Variants in USH2A observed in about 807,000 individuals in gnomAD.
USH2A encodes Usher syndrome 2A (autosomal recessive, mild).
A neutral mutation model predicts 538.9 loss-of-function variants in USH2A; 443 were observed. That is an observed-to-expected ratio of 0.82 (90% CI 0.76 to 0.89). The LOEUF (loss-of-function observed/expected upper bound fraction) is 0.89, where lower values mean the gene tolerates loss of function less well. Ranked by LOEUF, USH2A falls within the 40% of genes least tolerant of loss-of-function variation. The pLI is 0.00. For synonymous variants in USH2A, 2,413 were observed against 2,273.5 expected (o/e 1.06, Z -1.75); for missense variants, 6,633 against 6,324.8 (o/e 1.05, Z -1.65).
intron 21 of USH2A, among the ~76,000 whole-genome samples, chr1:216,099,886 C>T (rs2032536429): frequency 6.6e-6 from 1 of 152,022 alleles, no homozygotes; most frequent in African/African-American, 2.4e-5. Context: ...AAATGAGAAA[C>T]TAAATCTTAG....
At chr1:216,349,581 A>T (rs1444958738) in intron 4 of USH2A, among the ~76,000 whole-genome samples, 1 of 152,112 alleles carries the variant, frequency 6.6e-6, no homozygotes, top group Admixed American at 6.6e-5. Flanking sequence ...GTCCTCACTG[A>T]TACTCTCCCA....
chr1:215,975,426 T>C (rs930670188), intron 35 of USH2A, among the ~76,000 whole-genome samples: 1 of 152,164 alleles, frequency 6.6e-6, no homozygotes. Context: ...GTTTCCTAAG[T>C]TTTCCTCTAG....
At chr1:216,304,704 G>A (rs950451340) in intron 9 of USH2A, among the ~76,000 whole-genome samples, 2 of 151,822 alleles carry the variant, frequency 1.3e-5, no homozygotes, top group Non-Finnish European at 2.9e-5. Flanking sequence ...GGTTTTGATA[G>A]GTTGTGTCAC....
intron 37 of USH2A, among the ~76,000 whole-genome samples, chr1:215,958,310 G>C (rs1469581186): frequency 1.3e-5 from 2 of 152,052 alleles, no homozygotes; most frequent in East Asian, 3.9e-4. Context: ...TGAATATACT[G>C]ACATTCTAAA....
chr1:216,143,606 T>G (rs954142925), intron 21 of USH2A, among the ~76,000 whole-genome samples: 1 of 152,184 alleles, frequency 6.6e-6, no homozygotes, highest in Non-Finnish European at 1.5e-5. Context: ...AAATTAGTTT[T>G]CAAAAGCACA....
At chr1:216,114,348 A>G (rs2032950393) in intron 21 of USH2A, among the ~76,000 whole-genome samples, 1 of 151,888 alleles carries the variant, frequency 6.6e-6, no homozygotes, top group South Asian at 2.1e-4. Flanking sequence ...TTTTTCTGTC[A>G]TTACACATGG....
intron 14 of USH2A, among the ~76,000 whole-genome samples, chr1:216,227,473 G>A (rs902739406): frequency 3.3e-5 from 5 of 152,104 alleles, no homozygotes; most frequent in Admixed American, 6.6e-5. Context: ...AGGCAGTTAT[G>A]ATATTACCTA....
At chr1:216,264,813 GA>G (rs1056207588) in intron 11 of USH2A, among the ~76,000 whole-genome samples, 1 of 152,044 alleles carries the variant, frequency 6.6e-6, no homozygotes, top group Middle Eastern at 3.2e-3. Flanking sequence ...CAAAGAGTGG[GA>G]AAAGGACATC....
intron 10 of USH2A, among the ~76,000 whole-genome samples, chr1:216,290,419 A>C (rs1342919146): frequency 2.6e-5 from 4 of 152,176 alleles, no homozygotes; most frequent in Non-Finnish European, 4.4e-5. Context: ...TTATGAATTA[A>C]TGAATATTTA....
At chr1:215,917,361 T>C (rs1665981857) in intron 38 of USH2A, among the ~76,000 whole-genome samples, 1 of 152,084 alleles carries the variant, frequency 6.6e-6, no homozygotes, top group Non-Finnish European at 1.5e-5. Flanking sequence ...CTTGAGTACC[T>C]GATTGCTTGA....
rs745480430 is a variant in USH2A, at chr1:215,888,769, A to T, written c.7880T>A (p.Ile2627Asn). The stretch of plus-strand genomic sequence containing the variant: ...ATCAGAGAACAGCTCTGGACTTGGG[A>T]TCCCTTCCGGTGCCCCTGGGAGTGT... ...VWTLPGAPEG[I>N]PSPELFSDTP... The change falls in exon 41 of 72, where the codon ATC (isoleucine) becomes AAC (asparagine). Residue 2627 changes from isoleucine (I) to asparagine (N), a missense_variant. Transcript: ENST00000307340. The T allele has an allele frequency of 1.5e-5, 25 of 1,613,924 alleles. No homozygotes were observed. In the Admixed American group the frequency reaches 3.5e-4, roughly 23 times the overall value.
intron 67 of USH2A, among the ~76,000 whole-genome samples, chr1:215,646,798 A>G (rs920408276): frequency 7.2e-5 from 11 of 152,186 alleles, no homozygotes; most frequent in Admixed American, 1.3e-4. Context: ...AAGTGCTGGG[A>G]TTACAGGCGT....
Position 216,207,404 on chromosome 1 carries a change from C to A in USH2A, c.3185G>T (p.Gly1062Val), listed in dbSNP as rs1238291543. 2 of 1,613,850 alleles carry A rather than the reference C, an allele frequency of 1.2e-6. No homozygotes were observed. Among genetic ancestry groups the A allele is most frequent in the African/African-American group, 2.7e-5 (2 of 74,910 alleles). The change falls in exon 16 of 72, where the codon GGA (glycine) becomes GTA (valine). Residue 1062 changes from glycine (G) to valine (V), a missense_variant. Gly to Val is a moderately radical substitution (Grantham distance 109). Transcript: ENST00000307340. ...KTPFQQPPPR[G>V]QVQSSSAINL... ...GATAGCAGAAGAACTTTGAACTTGT[C>A]CTCTGGGCGGAGGTTGCTGGAATGG...
chr1:216,313,466 T>A (rs1571691010), intron 9 of USH2A, among the ~76,000 whole-genome samples: 1 of 152,112 alleles, frequency 6.6e-6, no homozygotes, highest in African/African-American at 2.4e-5. Flanking sequence ...GAAGTTGGAG[T>A]TTACCCCTTC....
At chr1:216,370,770 T>C (rs1372729329) in intron 3 of USH2A, among the ~76,000 whole-genome samples, 1 of 149,176 alleles carries the variant, frequency 6.7e-6, no homozygotes, top group Admixed American at 6.7e-5. Context: ...ATTTAATTAA[T>C]AAGTTGCAGT....
intron 30 of USH2A, among the ~76,000 whole-genome samples, chr1:216,065,758 G>A (rs929526544): frequency 3.3e-5 from 5 of 152,026 alleles, no homozygotes; most frequent in African/African-American, 7.2e-5. Flanking sequence ...TTACCCTGGC[G>A]TGGTGATGCA....
intron 50 of USH2A, among the ~76,000 whole-genome samples, chr1:215,795,733 A>T (rs1366194156): frequency 1.3e-5 from 2 of 152,154 alleles, no homozygotes; most frequent in Non-Finnish European, 2.9e-5. Context: ...GAGGTATTCA[A>T]CTGGTTAGTC....
chr1:215,952,960 C>G (rs1201912791), intron 37 of USH2A, among the ~76,000 whole-genome samples: 1 of 152,134 alleles, frequency 6.6e-6, no homozygotes, highest in Non-Finnish European at 1.5e-5. Context: ...AAATCCCATT[C>G]ACAATTGCTT....
chr1:216,401,700 T>C (rs558317864), intron 3 of USH2A, among the ~76,000 whole-genome samples: 5 of 152,044 alleles, frequency 3.3e-5, no homozygotes, highest in Non-Finnish European at 7.4e-5. Flanking sequence ...ATCTAGAGGT[T>C]AAGAGGGACA....
Sources: allele counts gnomAD v4.1 joint callset (sites outside exome capture counted in the v4.1 genomes callset), GRCh38; gene constraint gnomAD v4.1.1; transcripts MANE v1.5; gene names NCBI Gene and HGNC (gene_info 2026-07-23, HGNC 2026-07-21).